Variants in DYNLRB1 observed in about 807,000 individuals in gnomAD.
DYNLRB1 encodes the protein ROBL/LC7-like 1.
In DYNLRB1, 6 loss-of-function variants were observed where a neutral mutation model predicts 13.5. The ratio of observed to expected loss-of-function variants is 0.44; its 90% confidence interval spans 0.24 to 0.88. The LOEUF (loss-of-function observed/expected upper bound fraction) is 0.88. Ranked by LOEUF, DYNLRB1 falls within the 40% of genes least tolerant of loss-of-function variation. The pLI, the probability that DYNLRB1 is intolerant of heterozygous loss-of-function variation, is 0.21. For missense variants in DYNLRB1, 93 were observed against 127.2 expected (o/e 0.73, Z 1.29); for synonymous variants, 43 against 45.0 (o/e 0.96, Z 0.18).
At chr20:34,533,002 T>C (rs1424195804) in intron 2 of DYNLRB1, among the ~76,000 whole-genome samples, 1 of 152,198 alleles carries the variant, frequency 6.6e-6, no homozygotes, top group African/African-American at 2.4e-5. Context: ...ATTCCTCAAG[T>C]GCCTGTCAGC....
intron 1 of DYNLRB1, among the ~76,000 whole-genome samples, chr20:34,522,460 T>G (rs952472023): frequency 3.8e-5 from 5 of 132,646 alleles, no homozygotes; most frequent in African/African-American, 1.4e-4. Context: ...TTCTTTCTTT[T>G]TTCTTTTTCT....
intron 2 of DYNLRB1, among the ~76,000 whole-genome samples, chr20:34,532,480 A>G (rs1807118082): frequency 1.3e-5 from 2 of 152,196 alleles, no homozygotes; most frequent in East Asian, 1.9e-4. Flanking sequence ...GGGTGGCAAG[A>G]AACTGGCCCA....
At chr20:34,524,492 G>A (rs923736146) in intron 1 of DYNLRB1, among the ~76,000 whole-genome samples, 5 of 152,152 alleles carry the variant, frequency 3.3e-5, no homozygotes, top group Admixed American at 6.5e-5. Flanking sequence ...CCAGGAGGGC[G>A]AGCAGGGTAG....
chr20:34,536,394 GC>G (rs1362145707), intron 3 of DYNLRB1: 4 of 985,290 alleles, frequency 4.1e-6, no homozygotes, highest in Non-Finnish European at 4.8e-6. Context: ...GATTTAAACT[GC>G]AGTTCCTCCC....
At chr20:34,528,790 G>A (rs1325856848) in intron 2 of DYNLRB1, among the ~76,000 whole-genome samples, 3 of 152,040 alleles carry the variant, frequency 2.0e-5, no homozygotes, top group Admixed American at 6.6e-5. Flanking sequence ...GGGCAATGTA[G>A]TGAGACCCCG....
At chr20:34,535,473 C>A in intron 3 of DYNLRB1, 2 of 783,928 alleles carry the variant, frequency 2.6e-6, no homozygotes, top group African/African-American at 1.9e-5. Flanking sequence ...TGAGGAGATG[C>A]TCATTCTGGG....
chr20:34,528,628 G>C (rs936001209), intron 2 of DYNLRB1, among the ~76,000 whole-genome samples: 2 of 152,144 alleles, frequency 1.3e-5, no homozygotes, highest in African/African-American at 4.8e-5. Flanking sequence ...GAAAAAACCT[G>C]AAATTTTTGC....
intron 3 of DYNLRB1, among the ~76,000 whole-genome samples, chr20:34,538,771 A>G (rs925060893): frequency 1.3e-5 from 2 of 152,208 alleles, no homozygotes; most frequent in African/African-American, 4.8e-5. Flanking sequence ...ACCAAGCTTT[A>G]GGCTTGGCTC....
chr20:34,524,060 A>T (rs959453702), intron 1 of DYNLRB1, among the ~76,000 whole-genome samples: 1 of 152,250 alleles, frequency 6.6e-6, no homozygotes, highest in Non-Finnish European at 1.5e-5. Flanking sequence ...AGTGTATCAG[A>T]GCCTTGTGGC....
intron 1 of DYNLRB1, chr20:34,516,850 T>C (rs1979254191): frequency 6.5e-7 from 1 of 1,542,026 alleles, no homozygotes; most frequent in African/African-American, 1.4e-5. Flanking sequence ...ATCTTGTATT[T>C]CCTCCGCCTC....
At chr20:34,529,729 CAAAAA>C (rs111373342) in intron 2 of DYNLRB1, 5 of 801,758 alleles carry the variant, frequency 6.2e-6, no homozygotes, top group Non-Finnish European at 8.1e-6. Context: ...AACTCGGTCT[CAAAAA>C]AAAAAAAAAA....
chr20:34,525,678 C>T (rs919789191), intron 1 of DYNLRB1, among the ~76,000 whole-genome samples: 11 of 152,092 alleles, frequency 7.2e-5, no homozygotes, highest in South Asian at 4.1e-4. Context: ...ACCCGAACTG[C>T]GACTGCCCCT....
Position 34,534,838 on chromosome 20 carries a change from G to A in DYNLRB1, c.247+43G>A, listed in dbSNP as rs775441391. The A allele has an allele frequency of 6.2e-6, 10 of 1,613,258 alleles. No homozygotes were observed. In the East Asian group the frequency reaches 2.0e-4, roughly 32 times the overall value. On this transcript the variant is annotated intron_variant, in intron 3 of 3. Transcript: ENST00000357156. ...TCCCCATGTAGGAACAGACCTCATG[G>A]CACATTCTCTGTGGCTCATCAGGAG... is the stretch of plus-strand genomic sequence containing the variant.
chr20:34,535,576 G>A (rs187738310), intron 3 of DYNLRB1: 12,853 of 942,440 alleles, frequency 0.014, 102 homozygotes, highest in Non-Finnish European at 0.015. Context: ...GGGGTGGCAG[G>A]CAGAGCCTCC....
intron 1 of DYNLRB1, chr20:34,516,682 C>A: frequency 6.7e-7 from 1 of 1,491,840 alleles, no homozygotes; most frequent in Non-Finnish European, 9.0e-7. Context: ...GCCCCTTGAC[C>A]GGAAGCGGGA....
intron 2 of DYNLRB1, chr20:34,530,179 C>G: frequency 6.8e-6 from 8 of 1,176,334 alleles, no homozygotes; most frequent in Non-Finnish European, 7.3e-6. Context: ...TTAAAACTGC[C>G]CCTAAAGCCA....
chr20:34,527,334 C>T (rs913100373), intron 2 of DYNLRB1, among the ~76,000 whole-genome samples: 3 of 152,210 alleles, frequency 2.0e-5, no homozygotes, highest in African/African-American at 4.8e-5. Context: ...GCTTTGTGAC[C>T]TTGGCCAAGT....
At chr20:34,524,129 G>A (rs527494210) in intron 1 of DYNLRB1, among the ~76,000 whole-genome samples, 1 of 151,906 alleles carries the variant, frequency 6.6e-6, no homozygotes, top group East Asian at 1.9e-4. Flanking sequence ...TTTTTAAATA[G>A]AAACAATACA....
intron 2 of DYNLRB1, among the ~76,000 whole-genome samples, chr20:34,533,004 C>G (rs144251447): frequency 1.8e-3 from 269 of 152,322 alleles, no homozygotes; most frequent in African/African-American, 6.1e-3. Flanking sequence ...TCCTCAAGTG[C>G]CTGTCAGCTG....
Sources: gnomAD v4.1 joint callset for allele counts (sites outside exome capture counted in the v4.1 genomes callset) on GRCh38, gnomAD v4.1.1 for gene constraint, MANE v1.5 for transcripts, NCBI Gene and HGNC (gene_info 2026-07-23, HGNC 2026-07-21) for gene names.